The following CTNNA2 variants were observed in gnomAD, a reference collection of about 807,000 sequenced individuals.
CTNNA2 encodes the protein catenin alpha 2.
A neutral mutation model predicts 101.0 loss-of-function variants in CTNNA2; 42 were observed. The ratio of observed to expected loss-of-function variants is 0.42; its 90% CI spans 0.32 to 0.54. The LOEUF (loss-of-function observed/expected upper bound fraction) is 0.54. Among genes scored for constraint, CTNNA2 ranks in the 20% least tolerant of loss-of-function variants. The probability of loss-of-function intolerance (pLI) is 0.14; values close to 1 mark genes in which losing one functional copy is unlikely to be tolerated. For missense variants in CTNNA2, 871 were observed against 1,223.1 expected (o/e 0.71, Z 4.29); for synonymous variants, 450 against 456.4 (o/e 0.99, Z 0.18).
intron 7 of CTNNA2, among the ~76,000 whole-genome samples, chr2:80,192,785 T>C (rs538609663): frequency 6.6e-6 from 1 of 152,288 alleles, no homozygotes; most frequent in African/African-American, 2.4e-5. Flanking sequence ...AGTGATGGGA[T>C]TACAGGCGCG....
chr2:80,344,779 C>T (rs75955673), intron 7 of CTNNA2, among the ~76,000 whole-genome samples: 13,060 of 152,264 alleles, frequency 0.086, 744 homozygotes, highest in East Asian at 0.23. Flanking sequence ...AGCCACAACA[C>T]ATGGCCTCCG....
intron 7 of CTNNA2, among the ~76,000 whole-genome samples, chr2:80,271,837 G>T (rs1247482423): frequency 6.6e-6 from 1 of 152,166 alleles, no homozygotes; most frequent in Admixed American, 6.5e-5. Flanking sequence ...ATATATCTGG[G>T]AGAAAATTCC....
intron 7 of CTNNA2, among the ~76,000 whole-genome samples, chr2:80,172,154 C>T (rs1039736505): frequency 6.6e-6 from 1 of 152,108 alleles, no homozygotes; most frequent in Non-Finnish European, 1.5e-5. Flanking sequence ...TGTTGATCTG[C>T]CACCTCCTGC....
intron 4 of CTNNA2, among the ~76,000 whole-genome samples, chr2:79,858,839 T>A (rs1681354155): frequency 6.6e-6 from 1 of 152,054 alleles, no homozygotes; most frequent in African/African-American, 2.4e-5. Context: ...TTCTTTTAAT[T>A]CTTTTGTTTC....
At chr2:79,907,495 GA>G (rs1224453704) in intron 6 of CTNNA2, among the ~76,000 whole-genome samples, 8 of 152,190 alleles carry the variant, frequency 5.3e-5, no homozygotes, top group South Asian at 2.1e-4. Flanking sequence ...CGTATAGCAG[GA>G]ATATCTGTGC....
intron 7 of CTNNA2, among the ~76,000 whole-genome samples, chr2:80,143,163 T>C (rs1482123046): frequency 1.3e-5 from 2 of 152,204 alleles, no homozygotes; most frequent in Non-Finnish European, 2.9e-5. Context: ...AAGTTCTCTG[T>C]GCACTTTGAC....
At chr2:79,525,796 A>C (rs1415232087) in intron 1 of CTNNA2, among the ~76,000 whole-genome samples, 1 of 151,976 alleles carries the variant, frequency 6.6e-6, no homozygotes, top group East Asian at 1.9e-4. Flanking sequence ...CTAGTTTAAA[A>C]ATTTGGTTAA....
intron 7 of CTNNA2, among the ~76,000 whole-genome samples, chr2:80,102,735 C>T (rs920023984): frequency 1.3e-5 from 2 of 152,236 alleles, no homozygotes; most frequent in African/African-American, 4.8e-5. Context: ...TGGTCTTGAA[C>T]TCCTGACTTC....
chr2:80,590,802 C>T (rs560568298), intron 15 of CTNNA2, among the ~76,000 whole-genome samples: 34 of 152,190 alleles, frequency 2.2e-4, no homozygotes, highest in African/African-American at 8.2e-4. Context: ...CATATTTGTA[C>T]ATTTGGTTAG....
chr2:79,395,169 G>A (rs1326051806), intron 4 of CTNNA2, among the ~76,000 whole-genome samples: 1 of 152,130 alleles, frequency 6.6e-6, no homozygotes, highest in Non-Finnish European at 1.5e-5. Context: ...ACGATGCTAT[G>A]TCCTAACTAT....
intron 9 of CTNNA2, among the ~76,000 whole-genome samples, chr2:80,471,952 C>A (rs758953292): frequency 6.6e-6 from 1 of 152,006 alleles, no homozygotes; most frequent in East Asian, 1.9e-4. Flanking sequence ...GTGGCGAAAC[C>A]CCATCTCTAC....
intron 7 of CTNNA2, among the ~76,000 whole-genome samples, chr2:80,086,917 A>G (rs527651753): frequency 6.6e-6 from 1 of 152,160 alleles, no homozygotes; most frequent in South Asian, 2.1e-4. Context: ...CAGAGTCTCT[A>G]TCAGAGACTT....
intron 7 of CTNNA2, among the ~76,000 whole-genome samples, chr2:80,122,459 A>G (rs1030174842): frequency 2.0e-5 from 3 of 151,918 alleles, no homozygotes; most frequent in Non-Finnish European, 4.4e-5. Context: ...ACACTTCTTT[A>G]ACTGATATCA....
intron 2 of CTNNA2, among the ~76,000 whole-genome samples, chr2:79,715,234 C>T (rs1393818809): frequency 7.6e-6 from 1 of 132,040 alleles, no homozygotes; most frequent in Non-Finnish European, 1.6e-5. Flanking sequence ...AAAAAACCCA[C>T]AGAGGAAGAG....
chr2:79,975,437 T>C (rs544737022), intron 7 of CTNNA2, among the ~76,000 whole-genome samples: 1 of 152,226 alleles, frequency 6.6e-6, no homozygotes, highest in African/African-American at 2.4e-5. Context: ...TGCAGCAGAT[T>C]CTTCAGCAGA....
At chr2:80,108,838 T>C (rs1490799897) in intron 7 of CTNNA2, among the ~76,000 whole-genome samples, 1 of 152,226 alleles carries the variant, frequency 6.6e-6, no homozygotes, top group East Asian at 1.9e-4. Context: ...TGCTTCTTGC[T>C]TTTTTGTTTA....
intron 3 of CTNNA2, among the ~76,000 whole-genome samples, chr2:79,333,477 C>T (rs1676923473): frequency 6.6e-6 from 1 of 152,094 alleles, no homozygotes; most frequent in African/African-American, 2.4e-5. Context: ...AATTCTTCCT[C>T]ACTAAAACTA....
At chr2:79,854,393 T>A (rs1015905466) in intron 3 of CTNNA2, among the ~76,000 whole-genome samples, 3 of 152,232 alleles carry the variant, frequency 2.0e-5, no homozygotes, top group Non-Finnish European at 4.4e-5. Flanking sequence ...TTAACTCTCA[T>A]GGCAGTCTGT....
At chr2:79,832,727 CA>C (rs1224497679) in intron 3 of CTNNA2, among the ~76,000 whole-genome samples, 1 of 152,142 alleles carries the variant, frequency 6.6e-6, no homozygotes, top group Non-Finnish European at 1.5e-5. Flanking sequence ...ACAGTGCATG[CA>C]TTCCTGAATC....
Sources: allele counts gnomAD v4.1 joint callset (sites outside exome capture counted in the v4.1 genomes callset), GRCh38; gene constraint gnomAD v4.1.1; transcripts MANE v1.5; gene names NCBI Gene and HGNC (gene_info 2026-07-23, HGNC 2026-07-21).